NLGN1: variants seen among roughly 807,000 people sequenced by gnomAD.
The protein encoded by NLGN1 is neuroligin-1.
Under a neutral mutation model 65.5 loss-of-function variants are expected in NLGN1, and 12 were observed. The ratio of observed to expected loss-of-function variants is 0.18; its 90% CI spans 0.12 to 0.30. NLGN1 has a LOEUF of 0.30. Ranked by LOEUF, NLGN1 falls within the 10% of genes least tolerant of loss-of-function variation. NLGN1 has a pLI of 1.00. For synonymous variants in NLGN1, 350 were observed against 359.5 expected, an observed-to-expected ratio of 0.97 and a Z score of 0.30; for missense variants, 750 against 1,007.1, an observed-to-expected ratio of 0.74 and a Z score of 3.46.
At chr3:173,699,962 T>C (rs1478813981) in intron 3 of NLGN1, among the ~76,000 whole-genome samples, 1 of 152,192 alleles carries the variant, frequency 6.6e-6, no homozygotes, top group African/African-American at 2.4e-5. Context: ...ATTTATTAAG[T>C]GGAACTTTGG....
At chr3:174,151,648 C>A (rs1322772797) in intron 4 of NLGN1, among the ~76,000 whole-genome samples, 1 of 152,106 alleles carries the variant, frequency 6.6e-6, no homozygotes, top group African/African-American at 2.4e-5. Context: ...ACTTGCACAG[C>A]TTGATACAGA....
At chr3:173,601,189 C>T (rs1397415080) in intron 2 of NLGN1, among the ~76,000 whole-genome samples, 1 of 151,892 alleles carries the variant, frequency 6.6e-6, no homozygotes, top group Admixed American at 6.6e-5. Flanking sequence ...ATTTGGTCTA[C>T]TGAGTAAGAT....
intron 4 of NLGN1, among the ~76,000 whole-genome samples, chr3:174,018,686 G>T (rs918832381): frequency 6.6e-6 from 1 of 152,110 alleles, no homozygotes; most frequent in Non-Finnish European, 1.5e-5. Flanking sequence ...ACACAAGGGT[G>T]CTGCCTTCAG....
intron 3 of NLGN1, among the ~76,000 whole-genome samples, chr3:173,768,295 T>C (rs1039535772): frequency 2.0e-5 from 3 of 152,186 alleles, no homozygotes; most frequent in Non-Finnish European, 4.4e-5. Flanking sequence ...CATGAAGCTC[T>C]TCTTCTCCAA....
intron 3 of NLGN1, among the ~76,000 whole-genome samples, chr3:173,778,449 G>A (rs1045771359): frequency 3.3e-5 from 5 of 151,790 alleles, no homozygotes; most frequent in South Asian, 2.1e-4. Flanking sequence ...GTTACAGATG[G>A]CTCTTGCTGG....
chr3:173,500,657 A>G, intron 2 of NLGN1, among the ~76,000 whole-genome samples: 1 of 152,148 alleles, frequency 6.6e-6, no homozygotes, highest in East Asian at 1.9e-4. Flanking sequence ...CTGTGGTAGA[A>G]TTTGGCTGTG....
At chr3:173,517,985 A>G (rs1265543992) in intron 2 of NLGN1, among the ~76,000 whole-genome samples, 1 of 152,164 alleles carries the variant, frequency 6.6e-6, no homozygotes, top group African/African-American at 2.4e-5. Context: ...TCATACAACC[A>G]TCCTTTTGTA....
intron 4 of NLGN1, among the ~76,000 whole-genome samples, chr3:173,925,341 AG>A (rs1229650981): frequency 2.0e-5 from 3 of 152,202 alleles, no homozygotes; most frequent in African/African-American, 7.2e-5. Flanking sequence ...GAAAAAAAAT[AG>A]TTCATTTAAA....
chr3:174,044,798 G>A (rs1478630253), intron 4 of NLGN1, among the ~76,000 whole-genome samples: 2 of 152,128 alleles, frequency 1.3e-5, no homozygotes, highest in African/African-American at 4.8e-5. Context: ...GACCTGGTGG[G>A]AGGTAATTGA....
At chr3:173,480,057 A>G (rs970162880) in intron 2 of NLGN1, among the ~76,000 whole-genome samples, 3 of 152,164 alleles carry the variant, frequency 2.0e-5, no homozygotes, top group Non-Finnish European at 2.9e-5. Flanking sequence ...AAGACAGTTG[A>G]AAAGATACTA....
At chr3:173,660,362 TA>T (rs1279867531) in intron 3 of NLGN1, among the ~76,000 whole-genome samples, 1 of 91,852 alleles carries the variant, frequency 1.1e-5, no homozygotes, top group Non-Finnish European at 2.3e-5. Context: ...CTCCTTATTT[TA>T]TTTTTTTTTT....
At chr3:173,490,949 C>G (rs1729031099) in intron 2 of NLGN1, among the ~76,000 whole-genome samples, 1 of 151,896 alleles carries the variant, frequency 6.6e-6, no homozygotes, top group South Asian at 2.1e-4. Flanking sequence ...GATTTTGTAT[C>G]CTGAGACTTT....
intron 4 of NLGN1, among the ~76,000 whole-genome samples, chr3:173,942,281 C>T (rs574768312): frequency 2.2e-4 from 34 of 152,138 alleles, no homozygotes; most frequent in African/African-American, 8.0e-4. Context: ...CAAGCACTAT[C>T]TATGGTAGGT....
At chr3:173,554,189 T>C (rs1163172155) in intron 2 of NLGN1, among the ~76,000 whole-genome samples, 3 of 152,222 alleles carry the variant, frequency 2.0e-5, no homozygotes, top group African/African-American at 7.2e-5. Flanking sequence ...ATTAATAAAG[T>C]ACTAGCAGTT....
intron 3 of NLGN1, among the ~76,000 whole-genome samples, chr3:173,744,215 G>A (rs1318861154): frequency 6.6e-6 from 1 of 152,066 alleles, no homozygotes; most frequent in African/African-American, 2.4e-5. Flanking sequence ...TCAACTTGAA[G>A]GGTTGTCATG....
At chr3:173,615,423 A>G (rs1577549107) in intron 3 of NLGN1, among the ~76,000 whole-genome samples, 1 of 152,252 alleles carries the variant, frequency 6.6e-6, no homozygotes, top group East Asian at 1.9e-4. Context: ...GTAACAAGAA[A>G]TAGGGCTTTT....
At chr3:174,271,243 T>G (rs1485514493) in intron 4 of NLGN1, among the ~76,000 whole-genome samples, 1 of 151,808 alleles carries the variant, frequency 6.6e-6, no homozygotes, top group Non-Finnish European at 1.5e-5. Flanking sequence ...CAGTACAGAA[T>G]CACTGTCATC....
At chr3:174,170,472 A>G (rs1728313997) in intron 4 of NLGN1, among the ~76,000 whole-genome samples, 1 of 152,236 alleles carries the variant, frequency 6.6e-6, no homozygotes, top group African/African-American at 2.4e-5. Context: ...TTACATCATC[A>G]GCCCAAGGGC....
chr3:173,620,458 C>G (rs972827892), intron 3 of NLGN1, among the ~76,000 whole-genome samples: 4 of 151,716 alleles, frequency 2.6e-5, no homozygotes, highest in Non-Finnish European at 5.9e-5. Context: ...GGTTTCTTCA[C>G]TGGAACTCAA....
Sources: allele counts gnomAD v4.1 joint callset (sites outside exome capture counted in the v4.1 genomes callset), GRCh38; gene constraint gnomAD v4.1.1; transcripts MANE v1.5; gene names NCBI Gene and HGNC (gene_info 2026-07-23, HGNC 2026-07-21).